ANP32A: variants seen among roughly 807,000 people sequenced by gnomAD.
ANP32A encodes acidic nuclear phosphoprotein 32 family member A.
ANP32A carries 1 observed loss-of-function variant against 33.9 expected under a neutral mutation model. That is an observed-to-expected ratio of 0.03 (90% CI 0.01 to 0.14). The LOEUF is 0.14. Among genes scored for constraint, ANP32A ranks in the 10% least tolerant of loss-of-function variants. The pLI is 1.00. For missense variants in ANP32A, 155 were observed against 306.0 expected (o/e 0.51, Z 3.68); for synonymous variants, 115 against 120.5 (o/e 0.95, Z 0.30).
chr15:68,820,342 C>T (rs1894455400), intron 1 of ANP32A, among the ~76,000 whole-genome samples: 1 of 152,122 alleles, frequency 6.6e-6, no homozygotes, highest in African/African-American at 2.4e-5. Flanking sequence ...CAGACGGAGT[C>T]ACGGGAGCAG....
At chr15:68,784,341 G>A (rs1193194368) in intron 4 of ANP32A, 56 bp downstream of exon 4, 19 of 1,488,696 alleles carry the variant, frequency 1.3e-5, no homozygotes, top group Admixed American at 1.9e-5. Context: ...AGCCAAGGAC[G>A]AGCCCCAAGG....
At chr15:68,806,100 G>T (rs1246327458) in intron 1 of ANP32A, among the ~76,000 whole-genome samples, 1 of 152,204 alleles carries the variant, frequency 6.6e-6, no homozygotes, top group Non-Finnish European at 1.5e-5. Context: ...ACAGTATTGT[G>T]TATTTGCAGA....
intron 5 of ANP32A, among the ~76,000 whole-genome samples, chr15:68,782,043 G>A (rs1893876200): frequency 6.6e-6 from 1 of 152,208 alleles, no homozygotes; most frequent in African/African-American, 2.4e-5. Context: ...AACTGCGGGG[G>A]GAGTTGGGAG....
intron 1 of ANP32A, among the ~76,000 whole-genome samples, chr15:68,795,796 TTCCTACCTTCCAGCTGG>T (rs1352543479): frequency 6.6e-6 from 1 of 152,160 alleles, no homozygotes; most frequent in East Asian, 1.9e-4. Context: ...TTAAACCTCC[TTCCTACCTTCCAGCTGG>T]TATAGACTCC....
In ANP32A at chr15:68,779,941, C is replaced by G; in HGVS notation, c.*140G>C. On this transcript the variant is annotated 3_prime_UTR_variant, in exon 7 of 7. Coordinates refer to ENST00000465139, the MANE Select transcript of ANP32A (RefSeq NM_006305.4). ...CTCCCCCCGCAACCCCCAGTACACT[C>G]TTCCCCTCTCGTTCCCACAGCAACG... 2.0e-6 allele frequency: 1 copy of G among 512,586 alleles called. No individual in the cohort carries two copies. The highest frequency in any genetic ancestry group is 3.3e-6 in the Non-Finnish European group (1 of 298,926). 31.8% of individuals were successfully genotyped at this position (512,586 alleles called of 1,614,324 possible). A position where few individuals can be genotyped will look rare whatever the true frequency, so the allele number is the denominator to read the frequency against.
intron 3 of ANP32A, among the ~76,000 whole-genome samples, chr15:68,786,909 G>A (rs1893940422): frequency 6.6e-6 from 1 of 152,150 alleles, no homozygotes; most frequent in African/African-American, 2.4e-5. Flanking sequence ...AGGCCTGCCT[G>A]CACGAGGCTC....
chr15:68,802,768 T>G (rs1047318452), intron 1 of ANP32A, among the ~76,000 whole-genome samples: 20 of 152,346 alleles, frequency 1.3e-4, no homozygotes, highest in African/African-American at 4.8e-4. Context: ...TTCTCCTGCC[T>G]CAGCCTCCCA....
Position 68,787,424 on chromosome 15 carries a change from T to C in ANP32A, c.316A>G (p.Ile106Val), listed in dbSNP as rs1487090108. ...SGNKIKDLSTIEPLKKLENLK... is the reference protein window; with the variant it reads ...SGNKIKDLSTVEPLKKLENLK... ...TCCGAATGACTTACCAGTGGCTCTA[T>C]TGTGCTGAGGTCTTTAATTTTGTTG... is the stretch of plus-strand genomic sequence containing the variant. The change falls in exon 3 of 7, where the codon ATA (isoleucine) becomes GTA (valine). Residue 106 changes from isoleucine to valine, a missense_variant. Around this residue, in one of 4 missense-constraint regions of ANP32A, gnomAD observed 85 missense variants for 183.8 expected, o/e 0.46. Coordinates refer to ENST00000465139, the MANE Select transcript of ANP32A (RefSeq NM_006305.4). The C allele has an allele frequency of 5.6e-6, 9 of 1,614,104 alleles. No homozygotes were observed. The highest frequency in any genetic ancestry group is 2.7e-5 in the African/African-American group (2 of 74,942).
Position 68,780,489 on chromosome 15 carries a change from G to A in ANP32A, c.625-16C>T. 6.2e-7 allele frequency: 1 copy of A among 1,613,860 alleles called. No individual in the cohort carries two copies. The highest frequency in any genetic ancestry group is 1.6e-4 in the Middle Eastern group (1 of 6,062). ...CTTCATCCTCCTAGGAGAAAGGACA[G>A]ACACCAGAACATTAGAAATGCCCTG... is the stretch of plus-strand genomic sequence containing the variant. On this transcript the variant is annotated splice_polypyrimidine_tract_variant and intron_variant, in intron 5 of 6. Coordinates refer to ENST00000465139, the MANE Select transcript of ANP32A (RefSeq NM_006305.4). The surrounding 1 kb of genome is among the most constrained non-coding windows in gnomAD (Gnocchi z 4.3).
chr15:68,788,545 GT>G (rs1893962073), intron 1 of ANP32A, among the ~76,000 whole-genome samples: 1 of 152,254 alleles, frequency 6.6e-6, no homozygotes, highest in Admixed American at 6.5e-5. Context: ...GAAACGGTCT[GT>G]ACTGTTCAAG....
chr15:68,816,201 A>C (rs1387933683), intron 1 of ANP32A, among the ~76,000 whole-genome samples: 1 of 152,132 alleles, frequency 6.6e-6, no homozygotes, highest in African/African-American at 2.4e-5. Context: ...TTCTCTTTCT[A>C]CGGTGGCACC....
intron 4 of ANP32A, 82 bp from the exon 5 acceptor site, chr15:68,783,135 G>C: frequency 6.5e-7 from 1 of 1,532,576 alleles, no homozygotes; most frequent in South Asian, 1.2e-5. Context: ...CCCTTGTAGC[G>C]TCTTCAGTGT....
chr15:68,801,452 G>A (rs1000291463), intron 1 of ANP32A, among the ~76,000 whole-genome samples: 5 of 152,110 alleles, frequency 3.3e-5, no homozygotes, highest in African/African-American at 7.2e-5. Flanking sequence ...ACTTCACTGA[G>A]ATTCAGTTTC....
At chr15:68,819,567 G>A (rs996612845) in intron 1 of ANP32A, among the ~76,000 whole-genome samples, 1 of 152,256 alleles carries the variant, frequency 6.6e-6, no homozygotes, top group African/African-American at 2.4e-5. Flanking sequence ...ACCCACCACG[G>A]GCGCCAGCTC....
chr15:68,783,216 T>C (rs1434625436), intron 4 of ANP32A, among the ~76,000 whole-genome samples, 163 bp from the exon 5 acceptor site: 3 of 152,044 alleles, frequency 2.0e-5, no homozygotes, highest in African/African-American at 7.2e-5. Flanking sequence ...AAAACAGTGC[T>C]GACATAATTA....
chr15:68,780,481 A>G lies in ANP32A; in HGVS notation c.625-8T>C, dbSNP rs925568745. On this transcript the variant is annotated splice_region_variant and splice_polypyrimidine_tract_variant and intron_variant, in intron 5 of 6. Coordinates refer to ENST00000465139, the MANE Select transcript of ANP32A (RefSeq NM_006305.4). This position sits in a 1 kb window ranked among gnomAD's most constrained non-coding sequence, Gnocchi z 4.3. ...ATAACCTTCTTCATCCTCCTAGGAG[A>G]AAGGACAGACACCAGAACATTAGAA... 6.2e-7 allele frequency: 1 copy of G among 1,613,898 alleles called. No individual in the cohort carries two copies. Among genetic ancestry groups the G allele is most frequent in the Non-Finnish European group, 8.5e-7 (1 of 1,179,852 alleles).
chr15:68,820,642 A>ACG (rs149094114), intron 1 of ANP32A, 56 bp downstream of exon 1: 1 of 1,220,998 alleles, frequency 8.2e-7, no homozygotes, highest in Non-Finnish European at 1.1e-6. Context: ...GCACACACAC[A>ACG]CACACACACA....
chr15:68,782,687 A>G lies in ANP32A; in HGVS notation c.624+269T>C, dbSNP rs1893884278. 1.4e-5 allele frequency: 7 copies of G among 498,750 alleles called. No individual in the cohort carries two copies. In the East Asian group the frequency reaches 2.5e-4, roughly 18 times the overall value. The allele number at this position is 498,750 out of a possible 1,614,324, so 30.9% of individuals were successfully genotyped here. On this transcript the variant is annotated intron_variant, in intron 5 of 6. Transcript: ENST00000465139. ...TGCATTCTGTACTTCTTCACATAGA[A>G]ACAACGGCCAGGCTTACCCCAGCAG...
intron 1 of ANP32A, among the ~76,000 whole-genome samples, chr15:68,813,979 C>T (rs1412792820): frequency 6.9e-6 from 1 of 145,460 alleles, no homozygotes; most frequent in Non-Finnish European, 1.5e-5. Context: ...ACGGCATTCT[C>T]CTGCCTCAGC....
Sources: allele counts gnomAD v4.1 joint callset (sites outside exome capture counted in the v4.1 genomes callset), GRCh38; gene constraint gnomAD v4.1.1; regional missense constraint gnomAD v4.1.1; non-coding constraint Gnocchi (gnomAD v3.1); transcripts MANE v1.5; gene names NCBI Gene and HGNC (gene_info 2026-07-23, HGNC 2026-07-21).